The following CDH8 variants were observed in gnomAD, a reference collection of about 807,000 sequenced individuals.
The protein encoded by CDH8 is cadherin 8.
In CDH8, 17 loss-of-function variants were observed where a neutral mutation model predicts 68.1. The ratio of observed to expected loss-of-function variants is 0.25; its 90% CI spans 0.17 to 0.37. The LOEUF (loss-of-function observed/expected upper bound fraction) is 0.37, where lower values mean the gene tolerates loss of function less well. CDH8 is among the 10% of genes least tolerant of loss of function. CDH8 has a pLI of 1.00. For synonymous variants in CDH8, 372 were observed against 365.1 expected, an observed-to-expected ratio of 1.02 and a Z score of -0.21; for missense variants, 763 against 999.3, an observed-to-expected ratio of 0.76 and a Z score of 3.19.
rs1470749454 is a variant in CDH8 at position 61,782,424 on chromosome 16, G to A, written c.1414+6922C>T. Among the ~76,000 whole-genome samples the A allele has an allele frequency of 4.3e-3, 661 of 152,206 alleles. 4 individuals carry two copies. Among genetic ancestry groups the A allele is most frequent in the Non-Finnish European group, 7.0e-3 (478 of 67,932 alleles). ...ACCACGAGACTATATCCCACACCTG[G>A]CTCGGAGGGTCCTACGCCCACGGAG... On this transcript the variant is annotated intron_variant, in intron 8 of 11. Coordinates refer to ENST00000577390, the MANE Select transcript of CDH8 (RefSeq NM_001796.5).
chr16:61,962,592 G>A (rs960398983), intron 2 of CDH8, among the ~76,000 whole-genome samples: 1 of 152,186 alleles, frequency 6.6e-6, no homozygotes, highest in African/African-American at 2.4e-5. Context: ...AATACAGCAG[G>A]AGTTAATGAG....
chr16:61,872,978 G>A (rs981532240), intron 3 of CDH8, among the ~76,000 whole-genome samples: 1 of 152,132 alleles, frequency 6.6e-6, no homozygotes, highest in Non-Finnish European at 1.5e-5. Flanking sequence ...TACAATTTAG[G>A]ACAGATGGGG....
chr16:61,893,432 G>T (rs992107381), intron 3 of CDH8, among the ~76,000 whole-genome samples: 1 of 151,898 alleles, frequency 6.6e-6, no homozygotes, highest in Non-Finnish European at 1.5e-5. Context: ...GTGTGTGTGT[G>T]TGTGTGTGTG....
At chr16:61,880,065 A>G (rs2143119077) in intron 3 of CDH8, among the ~76,000 whole-genome samples, 1 of 152,060 alleles carries the variant, frequency 6.6e-6, no homozygotes. Context: ...AGCTGGGACT[A>G]CAGGCGCCCA....
rs146811607 is a variant in CDH8, at chr16:61,822,142, C to G, written c.836-1029G>C. Reference sequence around the variant, plus strand: ...TTTCTTTTCCTTCTTTACAATGGTCCAGAGTTTCTCCAATAAGATAAAGTT... The same window carrying G: ...TTTCTTTTCCTTCTTTACAATGGTCGAGAGTTTCTCCAATAAGATAAAGTT... On this transcript the variant is annotated intron_variant, in intron 5 of 11. Coordinates refer to ENST00000577390, the MANE Select transcript of CDH8 (RefSeq NM_001796.5). Among the ~76,000 whole-genome samples the G allele has an allele frequency of 8.3e-3, 1,204 of 145,126 alleles. 13 individuals are homozygous for G. The highest frequency in any genetic ancestry group is 0.021 in the South Asian group (96 of 4,602).
intron 2 of CDH8, among the ~76,000 whole-genome samples, chr16:61,952,120 G>T (rs1255243523): frequency 6.6e-6 from 1 of 152,064 alleles, no homozygotes; most frequent in East Asian, 1.9e-4. Context: ...CGTCTTTTTT[G>T]AGATTTGTGA....
At chr16:61,997,550 T>C (rs1965825178) in intron 2 of CDH8, among the ~76,000 whole-genome samples, 1 of 152,172 alleles carries the variant, frequency 6.6e-6, no homozygotes, top group Non-Finnish European at 1.5e-5. Flanking sequence ...AACTATTGGA[T>C]GAAAGTCTAA....
chr16:62,019,892 T>G (rs535261143), intron 2 of CDH8, among the ~76,000 whole-genome samples: 1 of 152,314 alleles, frequency 6.6e-6, no homozygotes, highest in African/African-American at 2.4e-5. Flanking sequence ...ACACTCAGTA[T>G]TGGCCAAAAC....
At chr16:62,015,175 C>T (rs531129614) in intron 2 of CDH8, among the ~76,000 whole-genome samples, 2 of 152,210 alleles carry the variant, frequency 1.3e-5, no homozygotes, top group African/African-American at 4.8e-5. Context: ...AGCTTTGTTA[C>T]ATAAAAATGT....
chr16:61,824,237 A>G (rs1025176269), intron 5 of CDH8, among the ~76,000 whole-genome samples: 4 of 151,992 alleles, frequency 2.6e-5, no homozygotes, highest in African/African-American at 7.2e-5. Flanking sequence ...AATAATAATA[A>G]TAAGTATGTA....
At chr16:62,024,404 A>T (rs988750796) in intron 1 of CDH8, among the ~76,000 whole-genome samples, 1 of 152,198 alleles carries the variant, frequency 6.6e-6, no homozygotes. Context: ...ACACTCTGCA[A>T]GTATACTCTG....
chr16:61,891,649 A>G (rs1307370485), intron 3 of CDH8, among the ~76,000 whole-genome samples: 2 of 152,182 alleles, frequency 1.3e-5, no homozygotes, highest in African/African-American at 4.8e-5. Context: ...AGCAGAAGAG[A>G]AACTACAGAC....
chr16:61,703,030 CTGAG>C (rs1204185665), intron 10 of CDH8, among the ~76,000 whole-genome samples: 26 of 152,194 alleles, frequency 1.7e-4, no homozygotes, highest in African/African-American at 6.0e-4. Flanking sequence ...ATAATCAATA[CTGAG>C]TAATAGAGAA....
At chr16:61,909,135 G>A (rs1964116631) in intron 2 of CDH8, among the ~76,000 whole-genome samples, 1 of 152,080 alleles carries the variant, frequency 6.6e-6, no homozygotes, top group Admixed American at 6.6e-5. Flanking sequence ...TTTTATGGCA[G>A]GCAAATGTGT....
intron 11 of CDH8, among the ~76,000 whole-genome samples, chr16:61,655,142 C>T (rs898546783): frequency 6.6e-6 from 1 of 152,116 alleles, no homozygotes; most frequent in African/African-American, 2.4e-5. Flanking sequence ...AACTGGTGTG[C>T]CTCACACCCA....
At chr16:61,832,710 T>C (rs2143004967) in intron 4 of CDH8, among the ~76,000 whole-genome samples, 1 of 151,802 alleles carries the variant, frequency 6.6e-6, no homozygotes, top group Non-Finnish European at 1.5e-5. Context: ...ACAAGAAAAA[T>C]ATTAAGTTAG....
intron 1 of CDH8, among the ~76,000 whole-genome samples, chr16:62,024,546 T>C (rs1036629008): frequency 6.6e-6 from 1 of 152,168 alleles, no homozygotes; most frequent in African/African-American, 2.4e-5. Flanking sequence ...GACTGCAGCA[T>C]TGATTGCAGT....
intron 9 of CDH8, chr16:61,726,406 T>G (rs1322558776): frequency 1.5e-4 from 23 of 150,614 alleles, no homozygotes; most frequent in Non-Finnish European, 3.3e-4. Context: ...TTTTCCTCCC[T>G]TTCTTCCTCC....
At chr16:61,975,241 G>A (rs1156602212) in intron 2 of CDH8, among the ~76,000 whole-genome samples, 3 of 151,870 alleles carry the variant, frequency 2.0e-5, no homozygotes, top group Non-Finnish European at 2.9e-5. Flanking sequence ...AAGAAAGGAA[G>A]AAAGAAAAAA....
Sources: allele counts gnomAD v4.1 joint callset (sites outside exome capture counted in the v4.1 genomes callset), GRCh38; gene constraint gnomAD v4.1.1; transcripts MANE v1.5; gene names NCBI Gene and HGNC (gene_info 2026-07-23, HGNC 2026-07-21).